Variants in ETNK1 observed in about 807,000 individuals in gnomAD.
ETNK1 encodes the protein putative protein product of Nbla10396.
ETNK1 carries 8 observed loss-of-function variants against 45.1 expected under a neutral mutation model. The ratio of observed to expected loss-of-function variants is 0.18; its 90% CI spans 0.10 to 0.32. ETNK1 has a LOEUF of 0.32. ETNK1 is among the 10% of genes least tolerant of loss of function. ETNK1 has a pLI of 1.00. For missense variants in ETNK1, 302 were observed against 430.6 expected (o/e 0.70, Z 2.64); for synonymous variants, 152 against 151.9 (o/e 1.00, Z -0.01).
At chr12:22,655,684 T>C (rs747545947) in intron 2 of ETNK1, among the ~76,000 whole-genome samples, 22 of 152,176 alleles carry the variant, frequency 1.4e-4, no homozygotes, top group Non-Finnish European at 3.1e-4. Context: ...ATATTGTCAT[T>C]ATTGAATTTT....
chr12:22,634,355 G>A (rs1158919221), intron 1 of ETNK1, among the ~76,000 whole-genome samples: 2 of 152,012 alleles, frequency 1.3e-5, no homozygotes, highest in African/African-American at 2.4e-5. Flanking sequence ...TTTTGATTAG[G>A]ATTTTTGCAG....
chr12:22,684,796 C>T, intron 7 of ETNK1, 86 bp from the exon 8 acceptor site: 2 of 1,077,678 alleles, frequency 1.9e-6, no homozygotes, highest in Admixed American at 2.6e-5. Context: ...TTTAAGAAAA[C>T]CAGCTTAGAG....
At chr12:22,650,045 A>G (rs562669540) in intron 2 of ETNK1, among the ~76,000 whole-genome samples, 3 of 152,072 alleles carry the variant, frequency 2.0e-5, no homozygotes, top group Admixed American at 1.3e-4. Context: ...TAAGTATTGT[A>G]TTTTTGGGGG....
At chr12:22,631,431 T>C (rs1404057536) in intron 1 of ETNK1, among the ~76,000 whole-genome samples, 2 of 152,108 alleles carry the variant, frequency 1.3e-5, no homozygotes, top group African/African-American at 2.4e-5. Flanking sequence ...TTCCTCAACC[T>C]CCCAAAGTGC....
intron 3 of ETNK1, among the ~76,000 whole-genome samples, chr12:22,660,581 C>CT (rs1208034607): frequency 1.3e-5 from 2 of 152,170 alleles, no homozygotes; most frequent in East Asian, 3.9e-4. Flanking sequence ...AGACAGTAAT[C>CT]TTTTGACTTT....
intron 1 of ETNK1, chr12:22,625,959 C>A: frequency 2.0e-6 from 1 of 505,956 alleles, no homozygotes; most frequent in Non-Finnish European, 3.8e-6. Context: ...CCTCCCCTCC[C>A]ACCAGTAATG....
chr12:22,658,843 T>C (rs1042961892), intron 2 of ETNK1, among the ~76,000 whole-genome samples, 171 bp from the exon 3 acceptor site: 1 of 152,192 alleles, frequency 6.6e-6, no homozygotes, highest in Non-Finnish European at 1.5e-5. Context: ...ATACTCTTGC[T>C]AAACTGACTC....
chr12:22,631,052 A>G (rs949568243), intron 1 of ETNK1, among the ~76,000 whole-genome samples: 6 of 152,228 alleles, frequency 3.9e-5, no homozygotes, highest in African/African-American at 1.4e-4. Flanking sequence ...AGTGGTTACC[A>G]TACATTAATA....
intron 2 of ETNK1, among the ~76,000 whole-genome samples, chr12:22,650,294 G>C (rs530110156): frequency 6.7e-6 from 1 of 150,240 alleles, no homozygotes; most frequent in Admixed American, 6.6e-5. Flanking sequence ...TAATGTGTTA[G>C]CTAGGACTTT....
intron 2 of ETNK1, among the ~76,000 whole-genome samples, chr12:22,655,206 G>C (rs1334135608): frequency 3.3e-5 from 5 of 152,140 alleles, no homozygotes; most frequent in Admixed American, 2.0e-4. Context: ...TACCTCAGGT[G>C]ATTCATCCAC....
intron 2 of ETNK1, among the ~76,000 whole-genome samples, chr12:22,648,167 A>G (rs1456028717): frequency 5.3e-5 from 8 of 151,874 alleles, no homozygotes; most frequent in African/African-American, 9.7e-5. Flanking sequence ...CCCATTATCA[A>G]TATCAGAGTG....
intron 1 of ETNK1, among the ~76,000 whole-genome samples, chr12:22,631,213 T>C (rs1953575765): frequency 6.6e-6 from 1 of 150,972 alleles, no homozygotes; most frequent in Non-Finnish European, 1.5e-5. Context: ...TCGCTCTTGT[T>C]GCCCAGGCTG....
At chr12:22,644,059 T>TG (rs745754519) in intron 2 of ETNK1, 37 bp downstream of exon 2, 72 of 1,384,224 alleles carry the variant, frequency 5.2e-5, no homozygotes, top group Non-Finnish European at 5.9e-5. Flanking sequence ...TTTTGAAAAA[T>TG]AGGGCATTTA....
At position 22,683,603 on chromosome 12, in the gene ETNK1, A is replaced by G. The variant is rs1331599771; in HGVS notation, c.946-880A>G. On this transcript the variant is annotated intron_variant, in intron 6 of 7. Coordinates refer to ENST00000266517, the MANE Select transcript of ETNK1 (RefSeq NM_018638.5). ...AAAGGTTGCAAAGGTACTCAGAGATAGAGCCTGGACTGGAACCTCTACATC... is the reference window on the plus strand; with the variant it reads ...AAAGGTTGCAAAGGTACTCAGAGATGGAGCCTGGACTGGAACCTCTACATC... Among the ~76,000 whole-genome samples, 5 of 152,214 alleles carry G rather than the reference A, an allele frequency of 3.3e-5. No homozygotes were observed. The East Asian group carries it at 9.6e-4, about 29-fold the overall frequency.
intron 6 of ETNK1, among the ~76,000 whole-genome samples, chr12:22,678,302 A>C (rs1050733096): frequency 6.6e-6 from 1 of 152,210 alleles, no homozygotes; most frequent in African/African-American, 2.4e-5. Flanking sequence ...CACTGCTGTA[A>C]AAAGAAAATC....
chr12:22,649,362 G>T (rs1460712182), intron 2 of ETNK1, among the ~76,000 whole-genome samples: 3 of 152,020 alleles, frequency 2.0e-5, no homozygotes, highest in African/African-American at 7.2e-5. Context: ...TTACATTTAG[G>T]TCTGTAATCC....
At chr12:22,631,098 C>G (rs1204312752) in intron 1 of ETNK1, among the ~76,000 whole-genome samples, 5 of 151,648 alleles carry the variant, frequency 3.3e-5, no homozygotes, top group African/African-American at 4.8e-5. Flanking sequence ...GAGACCATTA[C>G]AGTTTAAAAA....
intron 6 of ETNK1, among the ~76,000 whole-genome samples, chr12:22,682,728 T>G (rs1242824384): frequency 6.6e-6 from 1 of 151,466 alleles, no homozygotes; most frequent in Non-Finnish European, 1.5e-5. Context: ...TTGCTACCAC[T>G]GCCTTGACTT....
intron 6 of ETNK1, 60 bp downstream of exon 6, chr12:22,673,720 ATTT>A: frequency 6.8e-7 from 1 of 1,463,362 alleles, no homozygotes; most frequent in Non-Finnish European, 9.3e-7. Context: ...ATGCTTCTAA[ATTT>A]TCGTCATCTT....
Sources: allele counts gnomAD v4.1 joint callset (sites outside exome capture counted in the v4.1 genomes callset), GRCh38; gene constraint gnomAD v4.1.1; transcripts MANE v1.5; gene names NCBI Gene and HGNC (gene_info 2026-07-23, HGNC 2026-07-21).